The following NRG3 variants were observed in gnomAD, a reference collection of about 807,000 sequenced individuals.
NRG3 encodes the protein neuregulin 3.
Under a neutral mutation model 66.9 loss-of-function variants are expected in NRG3, and 31 were observed. The observed-to-expected ratio is 0.46, with a 90% CI of 0.35 to 0.63. The LOEUF (loss-of-function observed/expected upper bound fraction) is 0.63, where lower values mean the gene tolerates loss of function less well. NRG3 is among the 20% of genes least tolerant of loss of function. NRG3 has a pLI of 0.00. For synonymous variants in NRG3, 393 were observed against 359.4 expected (o/e 1.09, Z -1.06); for missense variants, 910 against 878.9 (o/e 1.04, Z -0.45).
At chr10:82,941,634 G>A (rs1036568468) in intron 4 of NRG3, among the ~76,000 whole-genome samples, 6 of 152,116 alleles carry the variant, frequency 3.9e-5, no homozygotes, top group Admixed American at 2.0e-4. Context: ...GCAACCATTA[G>A]GGAGAGACTG....
intron 2 of NRG3, among the ~76,000 whole-genome samples, chr10:82,668,792 A>G (rs540016140): frequency 2.0e-5 from 3 of 152,114 alleles, no homozygotes; most frequent in Non-Finnish European, 4.4e-5. Context: ...CTTAGGATGA[A>G]CAAAAAATTA....
At chr10:81,883,269 G>T (rs897005066) in intron 1 of NRG3, among the ~76,000 whole-genome samples, 2 of 152,086 alleles carry the variant, frequency 1.3e-5, no homozygotes, top group African/African-American at 4.8e-5. Flanking sequence ...TTTAATATTA[G>T]CATTTTGGAA....
At position 82,493,022 on chromosome 10, in the gene NRG3, G is replaced by T. The variant is rs73307844; in HGVS notation, c.953+134154G>T. On this transcript the variant is annotated intron_variant, in intron 2 of 8. Transcript: ENST00000372141. ...GTTGGGTATCCCTGCTGGGGCATTG[G>T]ATTGCTGTGACTTCAGTGCTCTCTG... is the stretch of plus-strand genomic sequence containing the variant. Among the ~76,000 whole-genome samples, 667 of 152,282 alleles carry T rather than the reference G, an allele frequency of 4.4e-3. 5 individuals carry two copies. The highest frequency in any genetic ancestry group is 0.015 in the African/African-American group (644 of 41,564).
At chr10:82,722,750 T>C (rs527785863) in intron 2 of NRG3, among the ~76,000 whole-genome samples, 94 of 152,320 alleles carry the variant, frequency 6.2e-4, no homozygotes, top group African/African-American at 2.2e-3. Context: ...ATTGATTTTC[T>C]ACTGATAATG....
intron 6 of NRG3, among the ~76,000 whole-genome samples, chr10:82,971,245 C>T (rs1430304866): frequency 6.6e-6 from 1 of 152,044 alleles, no homozygotes; most frequent in Non-Finnish European, 1.5e-5. Flanking sequence ...GATGAAATTT[C>T]AACACGAGAT....
chr10:81,891,476 G>T (rs2132559056), intron 1 of NRG3, among the ~76,000 whole-genome samples: 1 of 152,252 alleles, frequency 6.6e-6, no homozygotes, highest in South Asian at 2.1e-4. Context: ...CTTCCACTTA[G>T]ATGCTCTGCC....
intron 1 of NRG3, among the ~76,000 whole-genome samples, chr10:82,050,007 C>A (rs1332058699): frequency 6.6e-6 from 1 of 152,028 alleles, no homozygotes; most frequent in Admixed American, 6.6e-5. Context: ...CTATTATCCA[C>A]CCCACACACT....
At chr10:82,345,231 C>A (rs1247611328) in intron 1 of NRG3, among the ~76,000 whole-genome samples, 12 of 138,762 alleles carry the variant, frequency 8.6e-5, no homozygotes, top group Non-Finnish European at 1.5e-4. Context: ...ATCTTGAATT[C>A]ATTTTTGTAT....
intron 2 of NRG3, among the ~76,000 whole-genome samples, chr10:82,734,902 C>A (rs1473079788): frequency 1.3e-5 from 2 of 151,462 alleles, no homozygotes. Flanking sequence ...ATTGTAGTTT[C>A]AGCTACTCAG....
intron 2 of NRG3, among the ~76,000 whole-genome samples, chr10:82,363,693 G>A (rs938584408): frequency 6.6e-6 from 1 of 151,970 alleles, no homozygotes; most frequent in Non-Finnish European, 1.5e-5. Flanking sequence ...TCCTGACCTC[G>A]TGATCCACCC....
chr10:82,871,515 G>T (rs1386890338), intron 4 of NRG3, among the ~76,000 whole-genome samples: 4 of 152,066 alleles, frequency 2.6e-5, no homozygotes, highest in African/African-American at 9.7e-5. Context: ...GAAAAGAGCT[G>T]ACATCTTGAC....
chr10:82,826,617 A>C (rs2062222716), intron 3 of NRG3, among the ~76,000 whole-genome samples: 1 of 152,238 alleles, frequency 6.6e-6, no homozygotes, highest in Non-Finnish European at 1.5e-5. Flanking sequence ...AGCAACATGG[A>C]TGCAGCTGGT....
intron 1 of NRG3, among the ~76,000 whole-genome samples, chr10:81,885,509 C>T (rs1366950347): frequency 6.6e-6 from 1 of 152,142 alleles, no homozygotes; most frequent in African/African-American, 2.4e-5. Context: ...GGGGGTACTA[C>T]AAACTAGACC....
In NRG3 at chr10:82,973,947, A is replaced by C. The variant is rs373736703; in HGVS notation, c.1412+32A>C. On this transcript the variant is annotated intron_variant, in intron 7 of 8. Coordinates refer to ENST00000372141, the MANE Select transcript of NRG3 (RefSeq NM_001010848.4). Reference sequence around the variant, plus strand: ...GTAGCTCATCATGGTGGGTGTGGGCACCTTCACACTGTGTGTATGCTGGGT... The same window carrying C: ...GTAGCTCATCATGGTGGGTGTGGGCCCCTTCACACTGTGTGTATGCTGGGT... The C allele has an allele frequency of 1.6e-5, 26 of 1,612,602 alleles. No homozygotes were observed. In the African/African-American group the frequency reaches 2.9e-4, roughly 18 times the overall value.
intron 2 of NRG3, among the ~76,000 whole-genome samples, chr10:82,674,171 G>T (rs900716139): frequency 6.6e-6 from 1 of 152,228 alleles, no homozygotes; most frequent in East Asian, 1.9e-4. Flanking sequence ...ATTTATTCAG[G>T]TTGGAATTGT....
chr10:82,660,743 T>G (rs1214944547), intron 2 of NRG3, among the ~76,000 whole-genome samples: 1 of 152,204 alleles, frequency 6.6e-6, no homozygotes, highest in African/African-American at 2.4e-5. Flanking sequence ...TAGAGTGCTC[T>G]CCATTCTTTT....
At chr10:82,667,317 C>T (rs952702171) in intron 2 of NRG3, among the ~76,000 whole-genome samples, 2 of 152,106 alleles carry the variant, frequency 1.3e-5, no homozygotes, top group Admixed American at 1.3e-4. Context: ...TAAACACTGC[C>T]CAGATGTGGC....
intron 1 of NRG3, among the ~76,000 whole-genome samples, chr10:82,228,216 G>A (rs2076262396): frequency 6.6e-6 from 1 of 152,166 alleles, no homozygotes; most frequent in Non-Finnish European, 1.5e-5. Flanking sequence ...CAATAGGAGT[G>A]AGTGATTCAC....
chr10:82,967,823 G>T (rs1851348386), intron 6 of NRG3, among the ~76,000 whole-genome samples: 1 of 152,206 alleles, frequency 6.6e-6, no homozygotes, highest in Non-Finnish European at 1.5e-5. Flanking sequence ...TCTTTGCTGT[G>T]AGAACCTGGT....
Sources: allele counts gnomAD v4.1 joint callset (sites outside exome capture counted in the v4.1 genomes callset), GRCh38; gene constraint gnomAD v4.1.1; transcripts MANE v1.5; gene names NCBI Gene and HGNC (gene_info 2026-07-23, HGNC 2026-07-21).